The following DNAH11 variants were observed in gnomAD, a reference collection of about 807,000 sequenced individuals.
The protein encoded by DNAH11 is axonemal beta dynein heavy chain 11.
A neutral mutation model predicts 526.0 loss-of-function variants in DNAH11; 442 were observed. That is an observed-to-expected ratio of 0.84 (90% CI 0.78 to 0.91). DNAH11 has a LOEUF of 0.91. Among genes scored for constraint, DNAH11 ranks in the 40% least tolerant of loss-of-function variants. The pLI is 0.00. For synonymous variants in DNAH11, 2,461 were observed against 1,935.9 expected (o/e 1.27, Z -7.12); for missense variants, 6,989 against 5,448.7 (o/e 1.28, Z -8.90).
chr7:21,776,716 A>G (rs1787684882), intron 56 of DNAH11, among the ~76,000 whole-genome samples: 1 of 152,200 alleles, frequency 6.6e-6, no homozygotes, highest in African/African-American at 2.4e-5. Flanking sequence ...TTGAAATAAC[A>G]TAATTTTGTC....
At chr7:21,837,384 A>C (rs1782035102) in intron 65 of DNAH11, among the ~76,000 whole-genome samples, 1 of 152,228 alleles carries the variant, frequency 6.6e-6, no homozygotes, top group Non-Finnish European at 1.5e-5. Flanking sequence ...ACAATGGAAT[A>C]CTACTCAGTC....
intron 28 of DNAH11, among the ~76,000 whole-genome samples, chr7:21,645,690 A>G (rs1340973283): frequency 6.7e-6 from 1 of 149,886 alleles, no homozygotes; most frequent in South Asian, 2.1e-4. Flanking sequence ...TCTAAAAATC[A>G]GATATCTAAA....
intron 30 of DNAH11, among the ~76,000 whole-genome samples, chr7:21,666,904 GA>G (rs375623643): frequency 1.6e-4 from 24 of 151,180 alleles, no homozygotes; most frequent in African/African-American, 5.8e-4. Context: ...TAAGGTATAT[GA>G]AAAAAAACAT....
chr7:21,629,226 T>C (rs539481239), intron 25 of DNAH11, among the ~76,000 whole-genome samples: 8 of 152,322 alleles, frequency 5.3e-5, no homozygotes, highest in African/African-American at 1.7e-4. Context: ...AAGGTTCCTC[T>C]TGTTAGTGAT....
intron 29 of DNAH11, among the ~76,000 whole-genome samples, chr7:21,656,256 C>A (rs1336457709): frequency 6.6e-6 from 1 of 152,110 alleles, no homozygotes; most frequent in Non-Finnish European, 1.5e-5. Flanking sequence ...GAATGAGTGA[C>A]CCCAGAATTA....
chr7:21,683,368 T>A (rs892217110), intron 31 of DNAH11, among the ~76,000 whole-genome samples: 8 of 152,180 alleles, frequency 5.3e-5, no homozygotes, highest in African/African-American at 1.9e-4. Context: ...GCAGATTGGT[T>A]TTAGAATGAA....
Position 21,900,894 on chromosome 7 carries a change from A to G in DNAH11, c.13304-113A>G, listed in dbSNP as rs934092590. ...CTCAGTAAAAATACCACTGACAAGC[A>G]AAAATATGACAAAACCAGAATGTTG... On this transcript the variant is annotated intron_variant, in intron 81 of 81. Coordinates refer to ENST00000409508, the MANE Select transcript of DNAH11 (RefSeq NM_001277115.2). 3 of 1,473,768 alleles carry G rather than the reference A, an allele frequency of 2.0e-6. No homozygotes were observed. The African/African-American group carries it at 4.2e-5, about 21-fold the overall frequency. The allele number at this position is 1,473,768 out of a possible 1,614,324, so 91.3% of individuals were successfully genotyped here. A position where few individuals can be genotyped will look rare whatever the true frequency, so the allele number is the denominator to read the frequency against.
intron 30 of DNAH11, among the ~76,000 whole-genome samples, chr7:21,665,514 T>C (rs914070924): frequency 1.2e-4 from 18 of 152,160 alleles, no homozygotes; most frequent in Non-Finnish European, 2.4e-4. Flanking sequence ...TGTCCACTCC[T>C]TCCCCTGTCA....
rs1380751412 is a variant in DNAH11 at position 21,704,291 on chromosome 7, A to G, written c.6274-143A>G. The G allele has an allele frequency of 1.3e-5, 10 of 780,058 alleles. No homozygotes were observed. The East Asian group carries it at 1.9e-4, about 15-fold the overall frequency. 48.3% of individuals were successfully genotyped at this position (780,058 alleles called of 1,614,324 possible). On this transcript the variant is annotated intron_variant, in intron 37 of 81. Coordinates refer to ENST00000409508, the MANE Select transcript of DNAH11 (RefSeq NM_001277115.2). Reference sequence around the variant, plus strand: ...TCAATTTTAAACATTTAACCTCCCTATTGATAGAATGCCATCTTAATGGAG... The same window carrying G: ...TCAATTTTAAACATTTAACCTCCCTGTTGATAGAATGCCATCTTAATGGAG...
Position 21,707,764 on chromosome 7 carries a change from C to G in DNAH11, c.6612C>G (p.Asn2204Lys), listed in dbSNP as rs752390176. Residue 2204 changes from asparagine (N) to lysine (K), a missense_variant, in exon 40 of 82, where the codon AAC (asparagine) becomes AAG (lysine). Asn to Lys is a moderately conservative substitution (Grantham distance 94, BLOSUM62 0). Coordinates refer to ENST00000409508, the MANE Select transcript of DNAH11 (RefSeq NM_001277115.2). ...MKQKPVWNDL[N>K]PKAVTTDELF... Reference sequence around the variant, plus strand: ...AGAAGCCGGTTTGGAATGACTTAAACCCTAAAGCTGTGACAACAGATGAAC... The same window carrying G: ...AGAAGCCGGTTTGGAATGACTTAAAGCCTAAAGCTGTGACAACAGATGAAC... 1 of 1,613,210 alleles carries G rather than the reference C, an allele frequency of 6.2e-7. No homozygotes were observed. The highest frequency in any genetic ancestry group is 1.1e-5 in the South Asian group (1 of 90,930).
intron 65 of DNAH11, among the ~76,000 whole-genome samples, chr7:21,829,029 C>A (rs2128007435): frequency 6.6e-6 from 1 of 152,294 alleles, no homozygotes; most frequent in East Asian, 1.9e-4. Context: ...CACAGCCCTT[C>A]CCGCTGAGGT....
chr7:21,688,742 T>A (rs1014555253), intron 34 of DNAH11, among the ~76,000 whole-genome samples: 1 of 152,246 alleles, frequency 6.6e-6, no homozygotes, highest in Non-Finnish European at 1.5e-5. Flanking sequence ...TTTCAAATTA[T>A]GTTCGAAATC....
chr7:21,558,285 T>G (rs1216951418), intron 2 of DNAH11, among the ~76,000 whole-genome samples: 2 of 152,228 alleles, frequency 1.3e-5, no homozygotes, highest in South Asian at 2.1e-4. Context: ...TTCAGAGTTT[T>G]CACATAGTTT....
At chr7:21,618,869 T>C (rs943481932) in intron 23 of DNAH11, among the ~76,000 whole-genome samples, 1 of 151,976 alleles carries the variant, frequency 6.6e-6, no homozygotes, top group African/African-American at 2.4e-5. Flanking sequence ...ACAAAGAAAA[T>C]AGTGTAGCAC....
rs1457113745 is a variant in DNAH11, at chr7:21,687,421, G to A, written c.5818G>A (p.Ala1940Thr). 7.4e-6 allele frequency: 12 copies of A among 1,613,876 alleles called. No homozygotes were observed. The highest frequency in any genetic ancestry group is 1.0e-5 in the Non-Finnish European group (12 of 1,179,938). ...NIYKGLVQTG[A>T]WGCFDEFNRI... ...CTATAAGGGATTGGTGCAGACAGGA[G>A]CTTGGGGCTGCTTTGATGAGTTCAA... Residue 1940 changes from alanine (A) to threonine (T), a missense_variant, in exon 34 of 82, where the codon GCT (alanine) becomes ACT (threonine). Ala to Thr is a moderately conservative substitution (Grantham distance 58). Transcript: ENST00000409508.
In DNAH11 at chr7:21,543,212, C is replaced by T; in HGVS notation, c.-34C>T. 1 of 1,486,286 alleles carries T rather than the reference C, an allele frequency of 6.7e-7. No homozygotes were observed. 92.1% of individuals were successfully genotyped at this position (1,486,286 alleles called of 1,614,324 possible). A position where few individuals can be genotyped will look rare whatever the true frequency, so the allele number is the denominator to read the frequency against. On this transcript the variant is annotated 5_prime_UTR_variant, in exon 1 of 82. Coordinates refer to ENST00000409508, the MANE Select transcript of DNAH11 (RefSeq NM_001277115.2). ...GGGCCCAGAGTCTCGGGTGAGGAGC[C>T]AGCCGGCCTCGCGTTCCCTCGGACG...
chr7:21,784,559 T>A lies in DNAH11; in HGVS notation c.9597+19T>A, dbSNP rs1323510896. Reference sequence around the variant, plus strand: ...CAACAGGGTAAAGATAATTTATTGGTCCCTGAGTTTCCTCAAAGTAATATT... The same window carrying A: ...CAACAGGGTAAAGATAATTTATTGGACCCTGAGTTTCCTCAAAGTAATATT... On this transcript the variant is annotated intron_variant, in intron 58 of 81. Coordinates refer to ENST00000409508, the MANE Select transcript of DNAH11 (RefSeq NM_001277115.2). 2 of 1,531,538 alleles carry A rather than the reference T, an allele frequency of 1.3e-6. No homozygotes were observed. Among genetic ancestry groups the A allele is most frequent in the East Asian group, 4.5e-5 (2 of 44,070 alleles). 94.9% of individuals were successfully genotyped at this position (1,531,538 alleles called of 1,614,324 possible). A position where few individuals can be genotyped will look rare whatever the true frequency, so the allele number is the denominator to read the frequency against.
At chr7:21,610,226 C>G (rs892761062) in intron 20 of DNAH11, among the ~76,000 whole-genome samples, 1 of 152,132 alleles carries the variant, frequency 6.6e-6, no homozygotes, top group Non-Finnish European at 1.5e-5. Flanking sequence ...TTCACTCCAG[C>G]CTGGGCGACA....
At chr7:21,606,834 T>C in intron 20 of DNAH11, 101 bp downstream of exon 20, 4 of 1,044,336 alleles carry the variant, frequency 3.8e-6, no homozygotes, top group Non-Finnish European at 5.6e-6. Flanking sequence ...TGTTTTGCTG[T>C]TATAGGAATT....
Sources: allele counts gnomAD v4.1 joint callset (sites outside exome capture counted in the v4.1 genomes callset), GRCh38; gene constraint gnomAD v4.1.1; transcripts MANE v1.5; gene names NCBI Gene and HGNC (gene_info 2026-07-23, HGNC 2026-07-21).